The following NEGR1 variants were observed in gnomAD, a reference collection of about 807,000 sequenced individuals.
NEGR1 encodes IgLON family member 4.
A neutral mutation model predicts 40.9 loss-of-function variants in NEGR1; 10 were observed. That is an observed-to-expected ratio of 0.24 (90% CI 0.15 to 0.42). The LOEUF is 0.42. Among genes scored for constraint, NEGR1 ranks in the 10% least tolerant of loss-of-function variants. The pLI is 1.00. For synonymous variants in NEGR1, 185 were observed against 166.8 expected, an observed-to-expected ratio of 1.11 and a Z score of -0.84; for missense variants, 352 against 438.9, an observed-to-expected ratio of 0.80 and a Z score of 1.77.
intron 3 of NEGR1, among the ~76,000 whole-genome samples, chr1:71,755,210 C>T (rs550068314): frequency 6.6e-6 from 1 of 152,230 alleles, no homozygotes; most frequent in South Asian, 2.1e-4. Context: ...AGGCATTCCC[C>T]ATCTCCAATC....
intron 6 of NEGR1, among the ~76,000 whole-genome samples, chr1:71,480,602 A>G (rs1347977669): frequency 1.3e-5 from 2 of 151,940 alleles, no homozygotes; most frequent in Non-Finnish European, 2.9e-5. Flanking sequence ...TACTGAGTTA[A>G]TGAATGAAGT....
intron 1 of NEGR1, among the ~76,000 whole-genome samples, chr1:72,154,886 T>C (rs1651303855): frequency 6.6e-6 from 1 of 151,998 alleles, no homozygotes; most frequent in South Asian, 2.1e-4. Context: ...GATGAGACTA[T>C]CATTAGAGGC....
At chr1:71,708,920 C>A (rs1557622435) in intron 3 of NEGR1, among the ~76,000 whole-genome samples, 1 of 152,182 alleles carries the variant, frequency 6.6e-6, no homozygotes, top group Non-Finnish European at 1.5e-5. Flanking sequence ...AGGACAAGAT[C>A]TTATTCCTTT....
intron 6 of NEGR1, among the ~76,000 whole-genome samples, chr1:71,554,013 G>A (rs1472440179): frequency 6.6e-6 from 1 of 151,446 alleles, no homozygotes; most frequent in East Asian, 1.9e-4. Flanking sequence ...AACTAAGTCA[G>A]CATCCTAAAT....
At chr1:72,146,090 T>C (rs1333534378) in intron 1 of NEGR1, among the ~76,000 whole-genome samples, 2 of 152,106 alleles carry the variant, frequency 1.3e-5, no homozygotes, top group Non-Finnish European at 2.9e-5. Flanking sequence ...CAATACTATG[T>C]TTTCACTATA....
chr1:71,757,648 T>C (rs566367021), intron 3 of NEGR1, among the ~76,000 whole-genome samples: 25 of 152,234 alleles, frequency 1.6e-4, no homozygotes, highest in African/African-American at 5.8e-4. Context: ...TATATTCCAT[T>C]TCTTGTCCTC....
At chr1:71,538,709 G>C (rs893253548) in intron 6 of NEGR1, among the ~76,000 whole-genome samples, 6 of 151,686 alleles carry the variant, frequency 4.0e-5, no homozygotes, top group African/African-American at 1.5e-4. Flanking sequence ...GAATAGCAGA[G>C]GCTTCGTGCA....
At chr1:71,979,255 G>A (rs536517457) in intron 1 of NEGR1, among the ~76,000 whole-genome samples, 23 of 152,112 alleles carry the variant, frequency 1.5e-4, no homozygotes, top group Admixed American at 3.3e-4. Context: ...TAACTATTGC[G>A]TACTAGGCTT....
chr1:71,415,812 C>A (rs1161254672), intron 6 of NEGR1, among the ~76,000 whole-genome samples: 1 of 152,012 alleles, frequency 6.6e-6, no homozygotes, highest in Non-Finnish European at 1.5e-5. Context: ...TTTTGTATGA[C>A]CCTGAATGGT....
intron 6 of NEGR1, among the ~76,000 whole-genome samples, chr1:71,529,036 A>AT (rs34533864): frequency 4.0e-5 from 6 of 150,866 alleles, no homozygotes; most frequent in Non-Finnish European, 7.4e-5. Flanking sequence ...TAAATAAAGC[A>AT]TTTTTTTTTA....
chr1:72,161,822 G>A (rs1570061065), intron 1 of NEGR1, among the ~76,000 whole-genome samples: 1 of 151,460 alleles, frequency 6.6e-6, no homozygotes, highest in East Asian at 2.0e-4. Flanking sequence ...GGGACTACAA[G>A]TATGCCAGCA....
intron 3 of NEGR1, among the ~76,000 whole-genome samples, chr1:71,707,150 T>C (rs4288546): frequency 0.036 from 5,537 of 152,140 alleles, 126 homozygotes; most frequent in African/African-American, 0.07. Context: ...TGTTTTGCAC[T>C]TTGGGTCCCT....
intron 1 of NEGR1, among the ~76,000 whole-genome samples, chr1:72,156,226 A>G (rs11209925): frequency 2.6e-5 from 4 of 152,074 alleles, no homozygotes; most frequent in African/African-American, 7.2e-5. Context: ...TATGCTTTTT[A>G]TGTACTATTA....
intron 1 of NEGR1, among the ~76,000 whole-genome samples, chr1:71,979,254 C>A (rs1174093438): frequency 6.6e-6 from 1 of 151,932 alleles, no homozygotes; most frequent in Non-Finnish European, 1.5e-5. Context: ...ATAACTATTG[C>A]GTACTAGGCT....
At chr1:71,798,126 G>C (rs1657406739) in intron 2 of NEGR1, 1 of 151,914 alleles carries the variant, frequency 6.6e-6, no homozygotes. Context: ...AGCACAGCCA[G>C]GTGAGAGAAC....
intron 2 of NEGR1, among the ~76,000 whole-genome samples, chr1:71,796,455 C>T (rs1657328596): frequency 6.6e-6 from 1 of 152,126 alleles, no homozygotes; most frequent in African/African-American, 2.4e-5. Flanking sequence ...TGATTTTGTG[C>T]ATTTTCATCA....
chr1:71,733,305 G>A (rs140165134), intron 3 of NEGR1, among the ~76,000 whole-genome samples: 122 of 151,884 alleles, frequency 8.0e-4, no homozygotes, highest in Non-Finnish European at 1.5e-3. Flanking sequence ...GAGGGTGGGC[G>A]TTGCTCAGAT....
At chr1:72,122,957 T>C (rs1488296715) in intron 1 of NEGR1, among the ~76,000 whole-genome samples, 3 of 152,088 alleles carry the variant, frequency 2.0e-5, no homozygotes, top group Non-Finnish European at 4.4e-5. Context: ...ATTTTGAATA[T>C]GTCTAAATAA....
At chr1:71,897,646 C>T (rs984654397) in intron 2 of NEGR1, among the ~76,000 whole-genome samples, 4 of 152,198 alleles carry the variant, frequency 2.6e-5, no homozygotes, top group Non-Finnish European at 4.4e-5. Flanking sequence ...AATGAATTTA[C>T]TGCCTAGTGT....
Sources: gnomAD v4.1 joint callset for allele counts (sites outside exome capture counted in the v4.1 genomes callset) on GRCh38, gnomAD v4.1.1 for gene constraint, MANE v1.5 for transcripts, NCBI Gene and HGNC (gene_info 2026-07-23, HGNC 2026-07-21) for gene names.